Variants in HM13 observed in about 807,000 individuals in gnomAD.
HM13 encodes the protein histocompatibility minor 13.
HM13 carries 18 observed loss-of-function variants against 50.0 expected under a neutral mutation model. The observed-to-expected ratio is 0.36, with a 90% CI of 0.25 to 0.53. The LOEUF (loss-of-function observed/expected upper bound fraction) is 0.53. HM13 is among the 20% of genes least tolerant of loss of function. The pLI is 0.90. For synonymous variants in HM13, 197 were observed against 232.6 expected (o/e 0.85, Z 1.39); for missense variants, 393 against 552.4 (o/e 0.71, Z 2.89).
At chr20:31,517,378 A>G (rs1016771583) in intron 1 of HM13, among the ~76,000 whole-genome samples, 2 of 152,162 alleles carry the variant, frequency 1.3e-5, no homozygotes, top group Admixed American at 1.3e-4. Flanking sequence ...ACAGAAGCGA[A>G]TATGACCCAG....
chr20:31,551,808 G>A (rs780849394), intron 7 of HM13, among the ~76,000 whole-genome samples: 20 of 152,156 alleles, frequency 1.3e-4, no homozygotes, highest in Middle Eastern at 3.2e-3. Context: ...CTACCACTGC[G>A]GACAGCCTTT....
At position 31,568,070 on chromosome 20, in the gene HM13, T is replaced by A. The variant is rs372761235; in HGVS notation, c.1035-8T>A. 41 of 1,598,406 alleles carry A rather than the reference T, an allele frequency of 2.6e-5. No individual in the cohort carries two copies. Among genetic ancestry groups the A allele is most frequent in the East Asian group, 6.8e-5 (3 of 44,200 alleles). ...TTTTTTTCTGTCTCTTCTCTCTCTC[T>A]CACACAGCTACGAGTCCTCGGCGGA... On this transcript the variant is annotated splice_polypyrimidine_tract_variant and splice_region_variant and intron_variant, in intron 11 of 12. Coordinates refer to ENST00000398174, the MANE Select transcript of HM13 (RefSeq NM_178581.3).
chr20:31,528,046 C>T (rs74816101), intron 2 of HM13: 34 of 153,208 alleles, frequency 2.2e-4, no homozygotes, highest in Non-Finnish European at 4.1e-4. Flanking sequence ...AGTTTCCCTT[C>T]GGAGGTGTGT....
Position 31,566,281 on chromosome 20 carries a change from GAC to G in HM13, c.1022_1023del (p.Thr341ArgfsTer55). 6.2e-7 allele frequency: 1 copy of G among 1,613,988 alleles called. No homozygotes were observed. The highest frequency in any genetic ancestry group is 8.5e-7 in the Non-Finnish European group (1 of 1,179,890). On this transcript the variant is annotated frameshift_variant, in exon 11 of 13. Transcript: ENST00000398174. LOFTEE classifies it high-confidence loss of function. Reference protein sequence around the residue: ...VLVALAKGEVTEMFSYESSAE... With the variant: ...VLVALAKGEVXEMFSYESSAE... ...TGGTGGCGCTGGCCAAGGGAGAAGT[GAC>G]AGAGATGTTCAGGTAAGGCAGAGTG...
At chr20:31,543,858 C>T (rs1983579799) in intron 3 of HM13, among the ~76,000 whole-genome samples, 1 of 151,844 alleles carries the variant, frequency 6.6e-6, no homozygotes, top group Non-Finnish European at 1.5e-5. Context: ...GGCATGAACC[C>T]AGGAGGCGGA....
intron 1 of HM13, among the ~76,000 whole-genome samples, chr20:31,524,215 G>A (rs936406513): frequency 2.6e-5 from 4 of 152,104 alleles, no homozygotes; most frequent in Non-Finnish European, 4.4e-5. Context: ...ACTCCAGCTT[G>A]GGCAACAGAG....
intron 3 of HM13, chr20:31,539,043 G>C: frequency 4.1e-6 from 4 of 980,718 alleles, no homozygotes; most frequent in Non-Finnish European, 4.8e-6. Context: ...TCAAACCCAG[G>C]TGTGGCTCCA....
chr20:31,524,021 A>G (rs188202981), intron 1 of HM13, among the ~76,000 whole-genome samples: 5 of 152,232 alleles, frequency 3.3e-5, no homozygotes, highest in South Asian at 2.1e-4. Flanking sequence ...ACAACCCCCA[A>G]TACAGGCACA....
At chr20:31,528,862 T>G (rs1982649014) in intron 2 of HM13, among the ~76,000 whole-genome samples, 1 of 150,926 alleles carries the variant, frequency 6.6e-6, no homozygotes, top group Non-Finnish European at 1.5e-5. Flanking sequence ...CTCCCACCTC[T>G]CCCTCCCAAA....
At chr20:31,529,952 C>T (rs1275423004) in intron 2 of HM13, among the ~76,000 whole-genome samples, 2 of 151,144 alleles carry the variant, frequency 1.3e-5, no homozygotes, top group Admixed American at 6.6e-5. Flanking sequence ...GGCGACACAG[C>T]GAGACTCTGT....
Position 31,547,711 on chromosome 20 carries a change from T to C in HM13, c.455-1318T>C, listed in dbSNP as rs752991815. On this transcript the variant is annotated intron_variant, in intron 4 of 12. Transcript: ENST00000398174. ...CCTTACCGTAAGTGGGGAATTATTGTTTTTTAGACAAAGAAAGGGGCCTTT... is the reference window on the plus strand; with the variant it reads ...CCTTACCGTAAGTGGGGAATTATTGCTTTTTAGACAAAGAAAGGGGCCTTT... 8.6e-5 allele frequency: 110 copies of C among 1,281,510 alleles called. 1 individual carries two copies. Among genetic ancestry groups the C allele is most frequent in the Non-Finnish European group, 1.1e-4 (100 of 902,156 alleles). The allele number at this position is 1,281,510 out of a possible 1,614,324, so 79.4% of individuals were successfully genotyped here.
chr20:31,539,177 C>T (rs1983291693), intron 3 of HM13: 1 of 985,490 alleles, frequency 1.0e-6, no homozygotes, highest in Middle Eastern at 5.2e-4. Context: ...GTTCTCCATT[C>T]TGCAGGACTA....
At position 31,568,089 on chromosome 20, in the gene HM13, C is replaced by G. The variant is rs750475326; in HGVS notation, c.1046C>G (p.Ser349Trp). The change falls in exon 12 of 13, where the codon TCG becomes TGG. Residue 349 changes from serine to tryptophan, a missense_variant. Ser to Trp is a radical substitution (Grantham distance 177, BLOSUM62 -3). This residue lies in a region of HM13 where 105 missense variants were observed against 115.9 expected (regional missense o/e 0.91). Coordinates refer to ENST00000398174, the MANE Select transcript of HM13 (RefSeq NM_178581.3). ...EVTEMFSYES[S>W]AEILPHTPRL... ...TCTCTCTCACACAGCTACGAGTCCT[C>G]GGCGGAAATCCTGCCTCATACCCCG... 2 of 1,610,108 alleles carry G rather than the reference C, an allele frequency of 1.2e-6. No homozygotes were observed. The highest frequency in any genetic ancestry group is 2.2e-5 in the East Asian group (1 of 44,736).
intron 11 of HM13, 151 bp downstream of exon 11, chr20:31,566,446 T>A: frequency 1.5e-6 from 1 of 671,008 alleles, no homozygotes; most frequent in Non-Finnish European, 2.6e-6. Flanking sequence ...AGTACATGGG[T>A]ACCTGGCCTG....
At chr20:31,554,323 C>T (rs1984184268) in intron 7 of HM13, among the ~76,000 whole-genome samples, 1 of 151,624 alleles carries the variant, frequency 6.6e-6, no homozygotes. Flanking sequence ...GATCGTGCCA[C>T]TGCACTCCCG....
At chr20:31,538,892 C>G (rs1983272944) in intron 3 of HM13, 1 of 220,636 alleles carries the variant, frequency 4.5e-6, no homozygotes, top group South Asian at 1.6e-4. Flanking sequence ...CTGTTACTGT[C>G]ATTATCTGTG....
chr20:31,537,975 G>A (rs755490099), intron 2 of HM13, among the ~76,000 whole-genome samples: 1 of 152,188 alleles, frequency 6.6e-6, no homozygotes, highest in Non-Finnish European at 1.5e-5. Context: ...CCCTTTGCGA[G>A]GTACAGCTGG....
chr20:31,546,710 G>A (rs916534936), intron 4 of HM13, among the ~76,000 whole-genome samples: 2 of 150,538 alleles, frequency 1.3e-5, no homozygotes, highest in South Asian at 4.2e-4. Context: ...AGCCGAAATC[G>A]CGCCACTGCA....
At chr20:31,523,053 G>GT (rs1568779752) in intron 1 of HM13, among the ~76,000 whole-genome samples, 1 of 139,828 alleles carries the variant, frequency 7.2e-6, no homozygotes, top group Non-Finnish European at 1.5e-5. Flanking sequence ...TGGGAGGGGG[G>GT]CTTTTTTTTT....
Sources: allele counts gnomAD v4.1 joint callset (sites outside exome capture counted in the v4.1 genomes callset), GRCh38; gene constraint gnomAD v4.1.1; regional missense constraint gnomAD v4.1.1; transcripts MANE v1.5; gene names NCBI Gene and HGNC (gene_info 2026-07-23, HGNC 2026-07-21).